CASP6: variants seen among roughly 807,000 people sequenced by gnomAD.
CASP6 encodes the protein caspase 6, also known as caspase-6.
In CASP6, 20 loss-of-function variants were observed where a neutral mutation model predicts 31.8. The ratio of observed to expected loss-of-function variants is 0.63; its 90% CI spans 0.44 to 0.91. The LOEUF (loss-of-function observed/expected upper bound fraction) is 0.91. Ranked by LOEUF, CASP6 falls within the 40% of genes least tolerant of loss-of-function variation. The pLI is 0.00. For missense variants in CASP6, 328 were observed against 361.1 expected (o/e 0.91, Z 0.74); for synonymous variants, 130 against 127.8 (o/e 1.02, Z -0.12).
chr4:109,684,544 C>G (rs1218285935), downstream of CASP6: 3 of 1,611,758 alleles, frequency 1.9e-6, no homozygotes, highest in African/African-American at 4.0e-5. Flanking sequence ...TGGCCTGGCT[C>G]ACGTGGTGGG....
At chr4:109,697,362 C>T (rs1730278692) in intron 3 of CASP6, among the ~76,000 whole-genome samples, 1 of 152,016 alleles carries the variant, frequency 6.6e-6, no homozygotes, top group Admixed American at 6.6e-5. Flanking sequence ...GCCTTGAACT[C>T]CTGGGATCAA....
chr4:109,685,242 T>C, downstream of CASP6: 1 of 1,149,112 alleles, frequency 8.7e-7, no homozygotes, highest in Admixed American at 1.8e-5. Context: ...CTCTCTCTTT[T>C]TTTTTAAGGA....
chr4:109,670,796 C>T, the CASP6 span, among the ~76,000 whole-genome samples: 3 of 151,502 alleles, frequency 2.0e-5, no homozygotes, highest in South Asian at 4.2e-4. Flanking sequence ...TTCCTGCTGC[C>T]GTAAGGAGGA....
At chr4:109,695,526 G>C (rs1730210977) in intron 4 of CASP6, among the ~76,000 whole-genome samples, 1 of 152,258 alleles carries the variant, frequency 6.6e-6, no homozygotes, top group East Asian at 1.9e-4. Context: ...GGAGGCCGAG[G>C]CAGGTGGATC....
chr4:109,687,469 GTT>G, downstream of CASP6: 1 of 1,330,456 alleles, frequency 7.5e-7, no homozygotes, highest in Non-Finnish European at 1.1e-6. Flanking sequence ...ATGTTGGTAT[GTT>G]TCTCTTCTTT....
chr4:109,689,343 G>T lies in CASP6; in HGVS notation c.869C>A (p.Pro290Gln), dbSNP rs778220871. The change falls in exon 7 of 7, where the codon CCA (proline) becomes CAA (glutamine). Residue 290 changes from proline to glutamine, a missense_variant. Physicochemically the swap from Pro to Gln is moderately conservative, Grantham distance 76 (BLOSUM62 -1). Coordinates refer to ENST00000265164, the MANE Select transcript of CASP6 (RefSeq NM_001226.4). The part of the protein sequence containing the change: ...SMLTKKLHFF[P>Q]KSN ...AGCCTCTATTAATTAATTAGATTTTGGAAAGAAATGCAGCTTTTTAGTTAG... is the reference window on the plus strand; with the variant it reads ...AGCCTCTATTAATTAATTAGATTTTTGAAAGAAATGCAGCTTTTTAGTTAG... 4 of 1,613,600 alleles carry T rather than the reference G, an allele frequency of 2.5e-6. No individual in the cohort carries two copies. The South Asian group carries it at 3.3e-5, about 13-fold the overall frequency.
the CASP6 span, among the ~76,000 whole-genome samples, chr4:109,675,888 T>C: frequency 2.0e-5 from 3 of 152,218 alleles, no homozygotes; most frequent in African/African-American, 7.2e-5. Flanking sequence ...TCACCAAATA[T>C]GCCAACACCT....
the CASP6 span, among the ~76,000 whole-genome samples, chr4:109,668,631 A>G: frequency 6.6e-6 from 1 of 151,000 alleles, no homozygotes; most frequent in Non-Finnish European, 1.5e-5. Context: ...GGCCATTGAC[A>G]TTCAAATTGA....
the CASP6 span, among the ~76,000 whole-genome samples, chr4:109,681,086 C>T: frequency 6.6e-6 from 1 of 151,978 alleles, no homozygotes; most frequent in Admixed American, 6.6e-5. Flanking sequence ...TGGGATGGAC[C>T]CCTGTGATAA....
At chr4:109,701,551 C>A (rs930375809) in intron 1 of CASP6, among the ~76,000 whole-genome samples, 1 of 152,134 alleles carries the variant, frequency 6.6e-6, no homozygotes, top group African/African-American at 2.4e-5. Flanking sequence ...CCTCAGTCTC[C>A]CCAGTAGCTG....
At chr4:109,709,463 A>G in the CASP6 span, among the ~76,000 whole-genome samples, 2 of 152,220 alleles carry the variant, frequency 1.3e-5, no homozygotes, top group African/African-American at 4.8e-5. Flanking sequence ...CTATATCTGA[A>G]TAGTTTTCCA....
upstream of CASP6, among the ~76,000 whole-genome samples, chr4:109,706,129 TTTTATATATATATATATATATATATA>T (rs1391184610): frequency 2.7e-4 from 15 of 56,094 alleles, 1 homozygote; most frequent in African/African-American, 5.8e-4. Flanking sequence ...TACCTATCCA[TTTTATATATATATATATATATATATA>T]TATATATATA....
the CASP6 span, among the ~76,000 whole-genome samples, chr4:109,671,278 C>CAGTT: frequency 6.6e-6 from 1 of 152,196 alleles, no homozygotes; most frequent in Non-Finnish European, 1.5e-5. Flanking sequence ...TTCTTTTGGA[C>CAGTT]AGTTCTCAGC....
At chr4:109,682,070 G>A in the CASP6 span, among the ~76,000 whole-genome samples, 1 of 83,846 alleles carries the variant, frequency 1.2e-5, no homozygotes, top group Non-Finnish European at 2.6e-5. Context: ...ATTTTAGTGA[G>A]TTCTCTGGTT....
intron 3 of CASP6, 91 bp from the exon 4 acceptor site, chr4:109,696,577 A>G: frequency 2.5e-6 from 2 of 796,198 alleles, no homozygotes; most frequent in South Asian, 3.7e-5. Context: ...CATTTTAACG[A>G]CACATAAATT....
At chr4:109,701,103 A>G (rs897553572) in intron 1 of CASP6, among the ~76,000 whole-genome samples, 3 of 151,812 alleles carry the variant, frequency 2.0e-5, no homozygotes, top group Admixed American at 1.3e-4. Flanking sequence ...GATTACAGGC[A>G]TGCGCCACCA....
chr4:109,682,677 AAG>A, the CASP6 span: 3 of 1,613,746 alleles, frequency 1.9e-6, no homozygotes, highest in Admixed American at 1.7e-5. Context: ...GTCTCAGAAA[AAG>A]AGAGAGCACC....
intron 4 of CASP6, among the ~76,000 whole-genome samples, chr4:109,695,398 G>A (rs1169873086): frequency 2.0e-5 from 3 of 152,170 alleles, no homozygotes; most frequent in Non-Finnish European, 4.4e-5. Flanking sequence ...TTAGAGCAGA[G>A]TGGAAAGACC....
chr4:109,677,801 A>AT, the CASP6 span, among the ~76,000 whole-genome samples: 6 of 108,246 alleles, frequency 5.5e-5, no homozygotes, highest in East Asian at 9.9e-4. Flanking sequence ...TAAGGAAACA[A>AT]ATTTTTTTTT....
Sources: gnomAD v4.1 joint callset for allele counts (sites outside exome capture counted in the v4.1 genomes callset) on GRCh38, gnomAD v4.1.1 for gene constraint, MANE v1.5 for transcripts, NCBI Gene and HGNC (gene_info 2026-07-23, HGNC 2026-07-21) for gene names.